The following USP32 variants were observed in gnomAD, a reference collection of about 807,000 sequenced individuals.
The protein encoded by USP32 is ubiquitin carboxyl-terminal hydrolase 32.
A neutral mutation model predicts 204.8 loss-of-function variants in USP32; 59 were observed. The ratio of observed to expected loss-of-function variants is 0.29; its 90% CI spans 0.23 to 0.36. The LOEUF is 0.36. USP32 is among the 10% of genes least tolerant of loss of function. The pLI, the probability that USP32 is intolerant of heterozygous loss-of-function variation, is 1.00. For synonymous variants in USP32, 517 were observed against 678.4 expected (o/e 0.76, Z 3.70); for missense variants, 1,160 against 1,946.4 (o/e 0.60, Z 7.60).
rs368244048 is a variant in USP32 at position 60,222,469 on chromosome 17, T to C, written c.1689A>G (p.Pro563=). ...LIHGRDYEMV[P]EPVWRALYHW... ...GATAAAGTGCTCTCCACACAGGTTC[T>C]GGGACCATTTCATAGTCTCTTCCAT... The change falls in exon 15 of 34, where the codon CCA becomes CCG. Residue 563 remains proline, a synonymous_variant. Transcript: ENST00000300896. 1.2e-6 allele frequency: 2 copies of C among 1,614,070 alleles called. No homozygotes were observed. Among genetic ancestry groups the C allele is most frequent in the African/African-American group, 2.7e-5 (2 of 74,938 alleles).
At chr17:60,375,635 G>A (rs1266057010) in intron 1 of USP32, among the ~76,000 whole-genome samples, 3 of 152,008 alleles carry the variant, frequency 2.0e-5, no homozygotes, top group African/African-American at 2.4e-5. Flanking sequence ...ATGGAGTCTC[G>A]CTCTGTCGCT....
intron 6 of USP32, 105 bp downstream of exon 6, chr17:60,271,245 T>C: frequency 7.0e-7 from 1 of 1,419,168 alleles, no homozygotes; most frequent in Non-Finnish European, 9.5e-7. Context: ...CCTGCAAACA[T>C]ATGAGAAGAT....
At chr17:60,247,472 G>A (rs2086060178) in intron 11 of USP32, among the ~76,000 whole-genome samples, 1 of 152,088 alleles carries the variant, frequency 6.6e-6, no homozygotes, top group South Asian at 2.1e-4. Context: ...GAGCCACCTC[G>A]CCCAGCCTCT....
intron 1 of USP32, among the ~76,000 whole-genome samples, chr17:60,360,035 T>C (rs1452412317): frequency 6.6e-6 from 1 of 151,848 alleles, no homozygotes; most frequent in Non-Finnish European, 1.5e-5. Flanking sequence ...ACCTGGCTAA[T>C]TTTTTTGTAT....
At chr17:60,297,966 A>C (rs1335527347) in intron 3 of USP32, among the ~76,000 whole-genome samples, 1 of 152,162 alleles carries the variant, frequency 6.6e-6, no homozygotes, top group Admixed American at 6.5e-5. Context: ...TCCTGATAAG[A>C]AGACCACTGA....
intron 1 of USP32, among the ~76,000 whole-genome samples, chr17:60,351,519 C>T (rs543766258): frequency 1.2e-4 from 18 of 152,146 alleles, no homozygotes; most frequent in African/African-American, 4.3e-4. Flanking sequence ...ACCTCTGTCT[C>T]CCGGGTTCAA....
intron 2 of USP32, among the ~76,000 whole-genome samples, chr17:60,319,626 A>T (rs1342778799): frequency 6.6e-6 from 1 of 151,876 alleles, no homozygotes; most frequent in Non-Finnish European, 1.5e-5. Context: ...AAAAAAATAT[A>T]AAAATTAGGC....
intron 27 of USP32, among the ~76,000 whole-genome samples, chr17:60,197,307 A>ACAAATGATCTACATGATGT (rs1205611101): frequency 6.6e-6 from 1 of 152,028 alleles, no homozygotes; most frequent in Non-Finnish European, 1.5e-5. Context: ...CCATGATGGC[A>ACAAATGATCTACATGATGT]AGAAAATGAT....
chr17:60,374,137 T>A (rs2089495931), intron 1 of USP32, among the ~76,000 whole-genome samples: 1 of 151,380 alleles, frequency 6.6e-6, no homozygotes, highest in African/African-American at 2.4e-5. Flanking sequence ...TGTGCAGAGA[T>A]CACACCACTG....
At chr17:60,186,813 T>C (rs1382035645) in intron 29 of USP32, among the ~76,000 whole-genome samples, 2 of 152,028 alleles carry the variant, frequency 1.3e-5, no homozygotes, top group Admixed American at 6.6e-5. Context: ...AAAGAAACAA[T>C]TTTTTCCTCT....
At chr17:60,289,010 TTTTG>T (rs997341577) in intron 4 of USP32, among the ~76,000 whole-genome samples, 13 of 152,182 alleles carry the variant, frequency 8.5e-5, no homozygotes, top group African/African-American at 2.7e-4. Context: ...TGTTTTTTGT[TTTTG>T]TTTGTTTGTT....
intron 5 of USP32, among the ~76,000 whole-genome samples, chr17:60,281,384 A>G (rs780794558): frequency 6.6e-6 from 1 of 152,112 alleles, no homozygotes; most frequent in African/African-American, 2.4e-5. Context: ...TAAAAATACA[A>G]AAAATTAGCC....
At chr17:60,305,661 C>G (rs970650792) in intron 2 of USP32, among the ~76,000 whole-genome samples, 3 of 152,160 alleles carry the variant, frequency 2.0e-5, no homozygotes, top group African/African-American at 7.2e-5. Flanking sequence ...GTAACAAATT[C>G]AATTTATAAA....
chr17:60,391,848 C>T (rs1344531992), intron 1 of USP32, 34 bp downstream of exon 1: 2 of 1,598,604 alleles, frequency 1.3e-6, no homozygotes, highest in East Asian at 4.6e-5. Context: ...TCGCGGGCCT[C>T]CCAGGCAGCT....
chr17:60,308,248 A>C (rs2087774870), intron 2 of USP32, among the ~76,000 whole-genome samples: 2 of 152,230 alleles, frequency 1.3e-5, no homozygotes, highest in African/African-American at 4.8e-5. Flanking sequence ...AGCCACCTAG[A>C]GACAGCAAAA....
At position 60,208,649 on chromosome 17, in the gene USP32, C is replaced by T. The variant is rs2084890971; in HGVS notation, c.2773+5G>A. ...CAAGTAATTTTTCAGAACTTTCTGA[C>T]CTACCTGTTATTTCTAAGTGCATAT... On this transcript the variant is annotated splice_donor_5th_base_variant and intron_variant, in intron 23 of 33. Coordinates refer to ENST00000300896, the MANE Select transcript of USP32 (RefSeq NM_032582.4). 1.3e-6 allele frequency: 2 copies of T among 1,481,842 alleles called. No homozygotes were observed. The highest frequency in any genetic ancestry group is 2.5e-5 in the Admixed American group (1 of 39,840). 91.8% of individuals were successfully genotyped at this position (1,481,842 alleles called of 1,614,324 possible).
At chr17:60,406,789 C>T (rs939429429) in intron 1 of USP32, among the ~76,000 whole-genome samples, 1 of 152,204 alleles carries the variant, frequency 6.6e-6, no homozygotes, top group Non-Finnish European at 1.5e-5. Flanking sequence ...ACTGGGATTA[C>T]AGACATGAGC....
chr17:60,205,121 T>C (rs1300078482), intron 26 of USP32, among the ~76,000 whole-genome samples: 1 of 152,186 alleles, frequency 6.6e-6, no homozygotes, highest in East Asian at 1.9e-4. Flanking sequence ...AAGAAAGTAG[T>C]ACTCAGATGC....
chr17:60,393,711 TTTC>T (rs1180617392), upstream of USP32, among the ~76,000 whole-genome samples: 1 of 148,872 alleles, frequency 6.7e-6, no homozygotes, highest in East Asian at 2.0e-4. Context: ...TGAGACGGAG[TTTC>T]ACCCCTGTTG....
Sources: gnomAD v4.1 joint callset for allele counts (sites outside exome capture counted in the v4.1 genomes callset) on GRCh38, gnomAD v4.1.1 for gene constraint, MANE v1.5 for transcripts, NCBI Gene and HGNC (gene_info 2026-07-23, HGNC 2026-07-21) for gene names.